PDC: variants seen among roughly 807,000 people sequenced by gnomAD.
PDC encodes the protein phosducin.
PDC carries 19 observed loss-of-function variants against 22.2 expected under a neutral mutation model. The observed-to-expected ratio is 0.86, with a 90% confidence interval of 0.60 to 1.26. The LOEUF (loss-of-function observed/expected upper bound fraction) is 1.26, where lower values mean the gene tolerates loss of function less well. PDC is among the 50% of genes most tolerant of loss of function. PDC has a pLI of 0.00. For synonymous variants in PDC, 97 were observed against 96.2 expected (o/e 1.01, Z -0.05); for missense variants, 274 against 286.8 (o/e 0.96, Z 0.32).
intron 3 of PDC, among the ~76,000 whole-genome samples, chr1:186,445,913 A>G (rs1248370618): frequency 6.6e-6 from 1 of 152,232 alleles, no homozygotes; most frequent in Non-Finnish European, 1.5e-5. Context: ...TAACAGATCA[A>G]ACCACACAAA....
At chr1:186,445,653 A>G (rs57694098) in intron 3 of PDC, among the ~76,000 whole-genome samples, 1 of 151,966 alleles carries the variant, frequency 6.6e-6, no homozygotes, top group Non-Finnish European at 1.5e-5. Flanking sequence ...TCTCTACAAA[A>G]AATGGTGGCA....
intron 2 of PDC, 32 bp from the exon 3 acceptor site, chr1:186,446,609 T>C: frequency 7.3e-7 from 1 of 1,375,856 alleles, no homozygotes; most frequent in Non-Finnish European, 1.0e-6. Flanking sequence ...ATTGTTTTCC[T>C]TTTTATTTTC....
rs1231498861 is a variant in PDC, at chr1:186,443,666, T to A, written c.*313A>T. 9.0e-6 allele frequency: 2 copies of A among 222,830 alleles called. No homozygotes were observed. Among genetic ancestry groups the A allele is most frequent in the Non-Finnish European group, 8.8e-6 (1 of 113,500 alleles). 13.8% of individuals were successfully genotyped at this position (222,830 alleles called of 1,614,324 possible). ...ATTTGAAAAGTCCAAATAATAACAGTGATGAGGGAAAATGGAGTAAAAAAG... is the reference window on the plus strand; with the variant it reads ...ATTTGAAAAGTCCAAATAATAACAGAGATGAGGGAAAATGGAGTAAAAAAG... On this transcript the variant is annotated 3_prime_UTR_variant, in exon 4 of 4. Coordinates refer to ENST00000391997, the MANE Select transcript of PDC (RefSeq NM_002597.5).
intron 2 of PDC, among the ~76,000 whole-genome samples, chr1:186,446,793 G>A (rs1169972668): frequency 2.6e-5 from 4 of 151,972 alleles, no homozygotes; most frequent in South Asian, 2.1e-4. Context: ...AGGATATTTC[G>A]GAAACATTTG....
rs374421941 is a variant in PDC, at chr1:186,446,532, C to T, written c.107G>A (p.Ser36Asn). Residue 36 changes from serine (S) to asparagine (N), a missense_variant, in exon 3 of 4, where the codon AGT (serine) becomes AAT (asparagine). By Grantham distance (46) the Ser-to-Asn change is conservative. Transcript: ENST00000391997. ...INDWRKFKLE[S>N]QDSDSIPPSK... ...AGGTGGAATTGAATCACTGTCTTGA[C>T]TCTCTAATTTAAACTTTCTCCAATC... 7.5e-6 allele frequency: 12 copies of T among 1,596,318 alleles called. No individual in the cohort carries two copies. In the African/African-American group the frequency reaches 1.6e-4, roughly 21 times the overall value.
rs1490745217 is a variant in PDC at position 186,459,889 on chromosome 1, GTAA to G, written c.-25+1167_-25+1169del. On this transcript the variant is annotated intron_variant, in intron 1 of 3. Coordinates refer to ENST00000391997, the MANE Select transcript of PDC (RefSeq NM_002597.5). The stretch of plus-strand genomic sequence containing the variant: ...ATGATGCAAACTGTAAGGTTTATTA[GTAA>G]TAATAATAACCTCCATGGAAACAAA... Among the ~76,000 whole-genome samples, 5 of 145,240 alleles carry G rather than the reference GTAA, an allele frequency of 3.4e-5. No homozygotes were observed. In the South Asian group the frequency reaches 6.5e-4, roughly 19 times the overall value.
At chr1:186,457,079 T>A (rs1178764149) in intron 1 of PDC, among the ~76,000 whole-genome samples, 1 of 152,170 alleles carries the variant, frequency 6.6e-6, no homozygotes, top group Non-Finnish European at 1.5e-5. Flanking sequence ...ACCATACATC[T>A]CCTTAGGTCT....
intron 1 of PDC, among the ~76,000 whole-genome samples, chr1:186,455,534 C>T (rs1662439263): frequency 1.3e-5 from 2 of 152,050 alleles, no homozygotes; most frequent in South Asian, 2.1e-4. Context: ...GGGTTCCCCA[C>T]CTACCCTTTA....
At chr1:186,449,780 T>C (rs1571722672) in intron 1 of PDC, among the ~76,000 whole-genome samples, 2 of 152,320 alleles carry the variant, frequency 1.3e-5, no homozygotes, top group African/African-American at 4.8e-5. Context: ...TAAGTCTATG[T>C]GGTTAGTGAA....
chr1:186,453,360 A>G (rs935176845), intron 1 of PDC, among the ~76,000 whole-genome samples: 17 of 152,336 alleles, frequency 1.1e-4, no homozygotes, highest in African/African-American at 4.1e-4. Flanking sequence ...TTTTAAAAAA[A>G]CAAATCTACC....
At chr1:186,455,228 A>G (rs1662433228) in intron 1 of PDC, among the ~76,000 whole-genome samples, 1 of 152,172 alleles carries the variant, frequency 6.6e-6, no homozygotes, top group Non-Finnish European at 1.5e-5. Context: ...GTGACCTCAC[A>G]TGACAGAGAG....
At position 186,443,621 on chromosome 1, in the gene PDC, A is replaced by G. The variant is rs1662150431; in HGVS notation, c.*358T>C. The G allele has an allele frequency of 6.0e-6, 1 of 165,800 alleles. No homozygotes were observed. The highest frequency in any genetic ancestry group is 2.4e-5 in the African/African-American group (1 of 41,974). The allele number at this position is 165,800 out of a possible 1,614,324, so 10.3% of individuals were successfully genotyped here. On this transcript the variant is annotated 3_prime_UTR_variant, in exon 4 of 4. Coordinates refer to ENST00000391997, the MANE Select transcript of PDC (RefSeq NM_002597.5). ...AGATTTCATTTTTATTACACAAAGA[A>G]AATTATAATGAATAATGTAATTTGA...
chr1:186,459,773 T>G (rs891114330), intron 1 of PDC, among the ~76,000 whole-genome samples: 4 of 139,850 alleles, frequency 2.9e-5, no homozygotes, highest in African/African-American at 1.1e-4. Context: ...TATATATATA[T>G]ATATATATTT....
chr1:186,450,435 C>A (rs761247448), intron 1 of PDC, among the ~76,000 whole-genome samples: 5 of 152,034 alleles, frequency 3.3e-5, no homozygotes, highest in South Asian at 2.1e-4. Context: ...AACTTCTGGG[C>A]TCAAGTGACC....
At chr1:186,458,211 T>C (rs1296857720) in intron 1 of PDC, among the ~76,000 whole-genome samples, 1 of 144,976 alleles carries the variant, frequency 6.9e-6, no homozygotes, top group African/African-American at 2.6e-5. Flanking sequence ...TTTGCTATTA[T>C]GACATACAGA....
At chr1:186,451,299 A>G (rs544443795) in intron 1 of PDC, 1 of 152,350 alleles carries the variant, frequency 6.6e-6, no homozygotes, top group Non-Finnish European at 1.5e-5. Context: ...AATAAAGAAT[A>G]TTACATTTGA....
intron 1 of PDC, among the ~76,000 whole-genome samples, chr1:186,453,747 AACCTACT>A (rs1457373581): frequency 6.6e-6 from 1 of 152,212 alleles, no homozygotes; most frequent in Non-Finnish European, 1.5e-5. Flanking sequence ...AATTTTAAAG[AACCTACT>A]ATGTGCGGGG....
At chr1:186,455,744 G>A (rs544041836) in intron 1 of PDC, among the ~76,000 whole-genome samples, 2 of 142,380 alleles carry the variant, frequency 1.4e-5, no homozygotes, top group African/African-American at 2.7e-5. Flanking sequence ...GGCGGATCAC[G>A]AGGTCAGGAG....
At chr1:186,445,613 G>A (rs762288249) in intron 3 of PDC, among the ~76,000 whole-genome samples, 28 of 152,094 alleles carry the variant, frequency 1.8e-4, no homozygotes, top group Admixed American at 1.6e-3. Flanking sequence ...GAGCCCAGGA[G>A]AACAGACTGG....
Sources: allele counts gnomAD v4.1 joint callset (sites outside exome capture counted in the v4.1 genomes callset), GRCh38; gene constraint gnomAD v4.1.1; transcripts MANE v1.5; gene names NCBI Gene and HGNC (gene_info 2026-07-23, HGNC 2026-07-21).